Variants in EGFL7 observed in about 807,000 individuals in gnomAD.
EGFL7 encodes EGF like domain multiple 7, also known as epidermal growth factor-like protein 7.
A neutral mutation model predicts 37.1 loss-of-function variants in EGFL7; 48 were observed. That is an observed-to-expected ratio of 1.29 (90% CI 1.03 to 1.65). The LOEUF (loss-of-function observed/expected upper bound fraction) is 1.65. Among genes scored for constraint, EGFL7 ranks in the 40% most tolerant of loss-of-function variants. The pLI is 0.00. For missense variants in EGFL7, 384 were observed against 378.9 expected, an observed-to-expected ratio of 1.01 and a Z score of -0.11; for synonymous variants, 180 against 156.8, an observed-to-expected ratio of 1.15 and a Z score of -1.10.
Position 136,669,918 on chromosome 9 carries a change from A to G in EGFL7, c.318A>G (p.Ile106Met). ...ACCAGCCTCCCCCGCCCACAGCAAT[A>G]TGCCAGCCGCCATGCCGGAACGGAG... ...SGLPGACGAA[I>M]CQPPCRNGGS... The change falls in exon 7 of 11, where the codon ATA (isoleucine) becomes ATG (methionine). Residue 106 changes from isoleucine to methionine, a missense_variant. By Grantham distance (10) the Ile-to-Met change is conservative. Transcript: ENST00000308874. 2 of 1,592,636 alleles carry G rather than the reference A, an allele frequency of 1.3e-6. No homozygotes were observed. Among genetic ancestry groups the G allele is most frequent in the Non-Finnish European group, 1.7e-6 (2 of 1,170,586 alleles).
rs1462724604 is a variant in EGFL7 at position 136,670,289 on chromosome 9, T to C, written c.530T>C (p.Val177Ala). 3 of 1,604,376 alleles carry C rather than the reference T, an allele frequency of 1.9e-6. No individual in the cohort carries two copies. The highest frequency in any genetic ancestry group is 2.7e-5 in the African/African-American group (2 of 74,874). Residue 177 changes from valine to alanine, a missense_variant, in exon 8 of 11, where the codon GTG becomes GCG. Val to Ala is a moderately conservative substitution (Grantham distance 64). Transcript: ENST00000308874. ...HSLSADGTLC[V>A]PKGGPPRVAP... is the part of the protein sequence containing the mutation. ...CTGTCTGCAGACGGTACACTCTGTG[T>C]GCCCAAGGGAGGGCCCCCCAGGGTG...
At chr9:136,667,398 C>T (rs1845544545) in intron 3 of EGFL7, among the ~76,000 whole-genome samples, 4 of 152,200 alleles carry the variant, frequency 2.6e-5, no homozygotes, top group South Asian at 4.1e-4. Flanking sequence ...GTCTCCAGAC[C>T]CCTGGCTGCG....
At chr9:136,670,062 G>A (rs1358012773) in intron 7 of EGFL7, 53 bp downstream of exon 7, 5 of 1,592,402 alleles carry the variant, frequency 3.1e-6, no homozygotes, top group Non-Finnish European at 4.3e-6. Flanking sequence ...GCACCTCCTT[G>A]CATGTCCTGG....
At position 136,671,030 on chromosome 9, in the gene EGFL7, G is replaced by GT. The variant is rs1564283652; in HGVS notation, c.636+16_636+17insT. The GT allele has an allele frequency of 2.4e-5, 12 of 508,112 alleles. No homozygotes were observed. Among genetic ancestry groups the GT allele is most frequent in the Non-Finnish European group, 1.5e-5 (6 of 397,774 alleles). 31.5% of individuals were successfully genotyped at this position (508,112 alleles called of 1,614,324 possible). A position where few individuals can be genotyped will look rare whatever the true frequency, so the allele number is the denominator to read the frequency against. ...GCTGGAGGAGGTGAGGCATTGGTGG[G>GT]GGGGGGGGGGGGCAGGCAGTCCAGG... On this transcript the variant is annotated intron_variant, in intron 9 of 10. Transcript: ENST00000308874.
chr9:136,670,090 G>C (rs1319517508), intron 7 of EGFL7, 79 bp from the exon 8 acceptor site: 12 of 1,605,596 alleles, frequency 7.5e-6, no homozygotes, highest in Non-Finnish European at 1.0e-5. Context: ...GCTGGCCCAT[G>C]AGTGGGTGGT....
At chr9:136,669,779 C>T in intron 6 of EGFL7, 58 bp downstream of exon 6, 1 of 1,467,008 alleles carries the variant, frequency 6.8e-7, no homozygotes, top group South Asian at 1.2e-5. Flanking sequence ...CCCAATCTTC[C>T]AGCAACGCTC....
chr9:136,660,599 T>C (rs1845084679), upstream of EGFL7, among the ~76,000 whole-genome samples: 1 of 152,066 alleles, frequency 6.6e-6, no homozygotes, highest in Admixed American at 6.5e-5. Flanking sequence ...ACGCAGACTC[T>C]GCCCTCGCCC....
intron 3 of EGFL7, among the ~76,000 whole-genome samples, chr9:136,667,444 G>C (rs2119114985): frequency 6.6e-6 from 1 of 152,322 alleles, no homozygotes; most frequent in Middle Eastern, 3.4e-3. Flanking sequence ...CATTGCCACA[G>C]ACCATTAATT....
In EGFL7 at chr9:136,669,735, C is replaced by A. The variant is rs1168256378; in HGVS notation, c.313+14C>A. 1 of 1,556,724 alleles carries A rather than the reference C, an allele frequency of 6.4e-7. No individual in the cohort carries two copies. Among genetic ancestry groups the A allele is most frequent in the Admixed American group, 1.9e-5 (1 of 52,274 alleles). On this transcript the variant is annotated intron_variant, in intron 6 of 10. Transcript: ENST00000308874. ...CCTGTGGAGCAGGTGAGGGCTATGTCCCTCGGCGCCCGGTGTTAGGAGGGC... is the reference window on the plus strand; with the variant it reads ...CCTGTGGAGCAGGTGAGGGCTATGTACCTCGGCGCCCGGTGTTAGGAGGGC...
In EGFL7 at chr9:136,668,222, G is replaced by T; in HGVS notation, c.-42-19G>T. 1 of 1,460,674 alleles carries T rather than the reference G, an allele frequency of 6.8e-7. No homozygotes were observed. Among genetic ancestry groups the T allele is most frequent in the South Asian group, 1.2e-5 (1 of 81,296 alleles). The allele number at this position is 1,460,674 out of a possible 1,614,324, so 90.5% of individuals were successfully genotyped here. A position where few individuals can be genotyped will look rare whatever the true frequency, so the allele number is the denominator to read the frequency against. On this transcript the variant is annotated intron_variant, in intron 3 of 10. Transcript: ENST00000308874. Reference sequence around the variant, plus strand: ...GGGGCATCTGCGGGGAGACTTAGGGGTCATGCTTTGTGCCCCAGGCCACCC... The same window carrying T: ...GGGGCATCTGCGGGGAGACTTAGGGTTCATGCTTTGTGCCCCAGGCCACCC...
chr9:136,662,606 G>A (rs1845216401), upstream of EGFL7, among the ~76,000 whole-genome samples: 1 of 152,146 alleles, frequency 6.6e-6, no homozygotes, highest in Admixed American at 6.5e-5. Context: ...TGAACCCACG[G>A]TCCTGGGAGG....
At chr9:136,660,562 CA>C (rs1434565260), upstream of EGFL7, 1 of 152,300 alleles carries the variant, frequency 6.6e-6, no homozygotes, top group African/African-American at 2.4e-5. Flanking sequence ...CCCAGGAGTC[CA>C]GTGCCAGGAG....
At chr9:136,660,632 A>G (rs1845086783), upstream of EGFL7, among the ~76,000 whole-genome samples, 1 of 152,126 alleles carries the variant, frequency 6.6e-6, no homozygotes, top group African/African-American at 2.4e-5. Flanking sequence ...CACAGCAGTC[A>G]GTTCACCGGG....
chr9:136,668,557 C>T lies in EGFL7; in HGVS notation c.81C>T (p.Gly27=), dbSNP rs748165103. 47 of 1,608,336 alleles carry T rather than the reference C, an allele frequency of 2.9e-5. No individual in the cohort carries two copies. The highest frequency in any genetic ancestry group is 5.0e-5 in the Admixed American group (3 of 59,978). ...GCTGACCCCCTCTCCACCCCCGCAG[C>T]CGTAGGGTGTGTGCTGTCCGGGCTC... The part of the protein sequence containing the change: ...VGGTEHAYRP[G]RRVCAVRAHG... Residue 27 remains glycine (G), a splice_region_variant and synonymous_variant, in exon 5 of 11, where the codon GGC becomes GGT. Transcript: ENST00000308874.
chr9:136,669,622 G>C lies in EGFL7; in HGVS notation c.214G>C (p.Ala72Pro), dbSNP rs773216266. Residue 72 changes from alanine (A) to proline (P), a missense_variant, in exon 6 of 11, where the codon GCC becomes CCC. Coordinates refer to ENST00000308874, the MANE Select transcript of EGFL7 (RefSeq NM_016215.5). ...CSTYRTIYRTAYRRSPGLAPA... is the reference protein window; with the variant it reads ...CSTYRTIYRTPYRRSPGLAPA... Reference sequence around the variant, plus strand: ...ACCCCACAGAACCATCTATAGGACCGCCTACCGCCGCAGCCCTGGGCTGGC... The same window carrying C: ...ACCCCACAGAACCATCTATAGGACCCCCTACCGCCGCAGCCCTGGGCTGGC... The C allele has an allele frequency of 6.2e-7, 1 of 1,610,690 alleles. No individual in the cohort carries two copies. The highest frequency in any genetic ancestry group is 1.1e-5 in the South Asian group (1 of 90,760).
intron 5 of EGFL7, 40 bp downstream of exon 5, chr9:136,668,713 T>A (rs760905571): frequency 2.6e-6 from 4 of 1,542,504 alleles, no homozygotes; most frequent in Non-Finnish European, 3.5e-6. Flanking sequence ...AGCCCCAGCC[T>A]CCCAAGTCGG....
At chr9:136,670,654 C>T (rs772277946) in intron 8 of EGFL7, 1 of 772,340 alleles carries the variant, frequency 1.3e-6, no homozygotes, top group Non-Finnish European at 2.4e-6. Context: ...ACTTCAAACT[C>T]GTACCGTGAG....
intron 3 of EGFL7, chr9:136,665,806 C>T (rs1243664493): frequency 6.8e-6 from 1 of 146,218 alleles, no homozygotes; most frequent in African/African-American, 2.5e-5. Context: ...CGTGCGCGCC[C>T]CGGATCCGGC....
chr9:136,660,827 T>G (rs1845100780), upstream of EGFL7, among the ~76,000 whole-genome samples: 1 of 152,188 alleles, frequency 6.6e-6, no homozygotes, highest in Non-Finnish European at 1.5e-5. Flanking sequence ...GGCAGCCTCC[T>G]GTGCCGAGCA....
Sources: allele counts gnomAD v4.1 joint callset (sites outside exome capture counted in the v4.1 genomes callset), GRCh38; gene constraint gnomAD v4.1.1; transcripts MANE v1.5; gene names NCBI Gene and HGNC (gene_info 2026-07-23, HGNC 2026-07-21).